The following MLF1 variants were observed in gnomAD, a reference collection of about 807,000 sequenced individuals.
The protein encoded by MLF1 is myeloid leukemia factor 1, also known as myelodysplasia-myeloid leukemia factor 1.
MLF1 carries 37 observed loss-of-function variants against 38.3 expected under a neutral mutation model. The observed-to-expected ratio is 0.96, with a 90% CI of 0.74 to 1.27. The LOEUF (loss-of-function observed/expected upper bound fraction) is 1.27. MLF1 is among the 50% of genes most tolerant of loss of function. The probability of loss-of-function intolerance (pLI) is 0.00; values close to 1 mark genes in which losing one functional copy is unlikely to be tolerated. For synonymous variants in MLF1, 95 were observed against 106.5 expected (o/e 0.89, Z 0.66); for missense variants, 331 against 349.2 (o/e 0.95, Z 0.42).
chr3:158,598,262 T>C, intron 5 of MLF1, 54 bp downstream of exon 5: 1 of 1,555,998 alleles, frequency 6.4e-7, no homozygotes, highest in South Asian at 1.2e-5. Flanking sequence ...GATGATAGAC[T>C]GTCTAGATCA....
intron 3 of MLF1, among the ~76,000 whole-genome samples, chr3:158,594,434 T>C (rs1381406622): frequency 6.6e-6 from 1 of 151,124 alleles, no homozygotes; most frequent in Admixed American, 6.6e-5. Flanking sequence ...TAGATACTGA[T>C]GAGGAAGAAG....
intron 1 of MLF1, among the ~76,000 whole-genome samples, chr3:158,578,680 G>A (rs1170028682): frequency 1.3e-5 from 2 of 152,068 alleles, no homozygotes; most frequent in African/African-American, 4.8e-5. Flanking sequence ...GAAAAAGTAC[G>A]TTTGAGACCA....
chr3:158,592,994 A>G (rs537126291), intron 2 of MLF1, among the ~76,000 whole-genome samples: 2 of 152,236 alleles, frequency 1.3e-5, no homozygotes, highest in South Asian at 2.1e-4. Context: ...ACCAGGAAAC[A>G]CTGATCTTCT....
At chr3:158,590,016 A>G (rs1717890038) in intron 1 of MLF1, among the ~76,000 whole-genome samples, 1 of 152,164 alleles carries the variant, frequency 6.6e-6, no homozygotes, top group Non-Finnish European at 1.5e-5. Context: ...ATCCTTATAC[A>G]CATTAGCAAA....
intron 1 of MLF1, among the ~76,000 whole-genome samples, chr3:158,581,488 A>G (rs980150372): frequency 1.3e-5 from 2 of 152,140 alleles, no homozygotes; most frequent in African/African-American, 4.8e-5. Flanking sequence ...ACTGGAGGGG[A>G]GGACTAAGGC....
intron 1 of MLF1, among the ~76,000 whole-genome samples, chr3:158,582,040 C>T (rs372785770): frequency 2.5e-3 from 378 of 151,982 alleles, no homozygotes; most frequent in African/African-American, 8.9e-3. Flanking sequence ...ATTAGCCGGG[C>T]GTGGTGGTGC....
chr3:158,574,720 A>G (rs1715167276), intron 1 of MLF1, among the ~76,000 whole-genome samples: 1 of 151,564 alleles, frequency 6.6e-6, no homozygotes, highest in Non-Finnish European at 1.5e-5. Context: ...TAGCCAGAGA[A>G]TATTATTTTG....
intron 1 of MLF1, among the ~76,000 whole-genome samples, chr3:158,592,191 G>A (rs1318680927): frequency 6.6e-6 from 1 of 152,116 alleles, no homozygotes; most frequent in Non-Finnish European, 1.5e-5. Flanking sequence ...TGAATGTGGA[G>A]TGCTTTCATA....
chr3:158,606,393 T>A lies in MLF1; in HGVS notation c.*1191T>A, dbSNP rs969304723. On this transcript the variant is annotated 3_prime_UTR_variant, in exon 8 of 8. Coordinates refer to ENST00000466246, the MANE Select transcript of MLF1 (RefSeq NM_001369783.1). ...TTCTCTAATTTTTTATATAATATTT[T>A]TGTTAATTTTACTAGTTTGTGTTTT... 1 of 161,966 alleles carries A rather than the reference T, an allele frequency of 6.2e-6. No individual in the cohort carries two copies. The highest frequency in any genetic ancestry group is 6.4e-5 in the Admixed American group (1 of 15,526). The allele number at this position is 161,966 out of a possible 1,614,324, so 10.0% of individuals were successfully genotyped here. A position where few individuals can be genotyped will look rare whatever the true frequency, so the allele number is the denominator to read the frequency against.
intron 1 of MLF1, among the ~76,000 whole-genome samples, chr3:158,572,906 C>T (rs1399532103): frequency 6.6e-6 from 1 of 151,546 alleles, no homozygotes; most frequent in African/African-American, 2.4e-5. Context: ...CCCTTCCTCA[C>T]ACTCCCGGGG....
chr3:158,581,876 C>G (rs1468377833), intron 1 of MLF1, among the ~76,000 whole-genome samples: 1 of 152,022 alleles, frequency 6.6e-6, no homozygotes, highest in East Asian at 1.9e-4. Context: ...ATGCTAGAGA[C>G]TAAAAACATT....
At chr3:158,601,529 C>T (rs552003778) in intron 6 of MLF1, among the ~76,000 whole-genome samples, 38 of 150,904 alleles carry the variant, frequency 2.5e-4, no homozygotes, top group Non-Finnish European at 3.0e-5. Flanking sequence ...AAGATCGAGC[C>T]CTTGCACTCC....
chr3:158,582,844 G>A (rs1489508617), intron 1 of MLF1: 1 of 677,978 alleles, frequency 1.5e-6, no homozygotes, highest in East Asian at 2.8e-5. Flanking sequence ...AATGTTAAAA[G>A]AAGTTCTTCA....
chr3:158,573,139 A>G (rs1201941753), intron 1 of MLF1, among the ~76,000 whole-genome samples: 1 of 151,446 alleles, frequency 6.6e-6, no homozygotes, highest in Admixed American at 6.6e-5. Flanking sequence ...ATAGCATGAC[A>G]GTTCATTGAA....
At chr3:158,601,842 T>C (rs1437544863) in intron 6 of MLF1, among the ~76,000 whole-genome samples, 1 of 128,712 alleles carries the variant, frequency 7.8e-6, no homozygotes, top group Non-Finnish European at 1.6e-5. Flanking sequence ...GGAGTCTCGC[T>C]CTGTTGTCCA....
At chr3:158,583,845 CAAA>C (rs1214359344) in intron 1 of MLF1, among the ~76,000 whole-genome samples, 2 of 152,052 alleles carry the variant, frequency 1.3e-5, no homozygotes, top group African/African-American at 4.8e-5. Context: ...GTTAATGAAA[CAAA>C]GAAGATTCTA....
chr3:158,574,395 T>G (rs183465543), intron 1 of MLF1, among the ~76,000 whole-genome samples: 2 of 151,192 alleles, frequency 1.3e-5, no homozygotes, highest in African/African-American at 4.9e-5. Flanking sequence ...AGGCGAGGCT[T>G]GGTGGCTCAC....
intron 1 of MLF1, among the ~76,000 whole-genome samples, chr3:158,576,104 T>G (rs10936149): frequency 0.16 from 24,177 of 152,160 alleles, 2,005 homozygotes; most frequent in South Asian, 0.23. Flanking sequence ...ATTATAACAG[T>G]GCATCTTAAA....
At chr3:158,577,939 A>G (rs1715704402) in intron 1 of MLF1, among the ~76,000 whole-genome samples, 1 of 152,220 alleles carries the variant, frequency 6.6e-6, no homozygotes, top group Admixed American at 6.5e-5. Context: ...TTGTACTTCA[A>G]GACAATGGAA....
Sources: allele counts gnomAD v4.1 joint callset (sites outside exome capture counted in the v4.1 genomes callset), GRCh38; gene constraint gnomAD v4.1.1; transcripts MANE v1.5; gene names NCBI Gene and HGNC (gene_info 2026-07-23, HGNC 2026-07-21).